The following SLC39A11 variants were observed in gnomAD, a reference collection of about 807,000 sequenced individuals.
The protein encoded by SLC39A11 is zinc transporter ZIP11.
Under a neutral mutation model 36.1 loss-of-function variants are expected in SLC39A11, and 33 were observed. The observed-to-expected ratio is 0.91, with a 90% confidence interval of 0.69 to 1.22. The LOEUF is 1.22. SLC39A11 is among the 50% of genes most tolerant of loss of function. SLC39A11 has a pLI of 0.00. For synonymous variants in SLC39A11, 166 were observed against 170.3 expected (o/e 0.97, Z 0.20); for missense variants, 432 against 430.3 (o/e 1.00, Z -0.03).
intron 4 of SLC39A11, among the ~76,000 whole-genome samples, chr17:72,997,464 G>A (rs1252822934): frequency 6.6e-6 from 1 of 152,016 alleles, no homozygotes; most frequent in African/African-American, 2.4e-5. Context: ...TGTTGGCCAG[G>A]CTGGTCTTGA....
chr17:72,904,904 T>C (rs2082570910), intron 5 of SLC39A11, among the ~76,000 whole-genome samples: 1 of 152,132 alleles, frequency 6.6e-6, no homozygotes, highest in African/African-American at 2.4e-5. Context: ...CTGGGCACAG[T>C]GGCTCACGCC....
chr17:73,021,862 A>T, intron 4 of SLC39A11, among the ~76,000 whole-genome samples: 1 of 152,220 alleles, frequency 6.6e-6, no homozygotes, highest in East Asian at 1.9e-4. Flanking sequence ...TCTGCACTCA[A>T]GACTCCCCAC....
At chr17:72,807,680 A>G (rs903487924) in intron 6 of SLC39A11, among the ~76,000 whole-genome samples, 11 of 152,096 alleles carry the variant, frequency 7.2e-5, no homozygotes, top group Non-Finnish European at 5.9e-5. Context: ...GGGCCTGGAG[A>G]GGAAATGGAA....
chr17:72,773,588 C>G (rs2076025020), intron 6 of SLC39A11, among the ~76,000 whole-genome samples: 1 of 151,484 alleles, frequency 6.6e-6, no homozygotes, highest in African/African-American at 2.4e-5. Flanking sequence ...ATTACCCAGT[C>G]TCAGGTATGT....
chr17:72,697,885 AG>A (rs2072389508), intron 7 of SLC39A11, among the ~76,000 whole-genome samples: 1 of 152,206 alleles, frequency 6.6e-6, no homozygotes, highest in South Asian at 2.1e-4. Flanking sequence ...CTGTAACCCC[AG>A]GGCTGGGCAA....
At chr17:73,034,653 T>C (rs1000857107) in intron 3 of SLC39A11, among the ~76,000 whole-genome samples, 1 of 152,168 alleles carries the variant, frequency 6.6e-6, no homozygotes, top group African/African-American at 2.4e-5. Context: ...CTCCCCACCC[T>C]GCACTCCGAT....
At chr17:72,799,864 T>C (rs2077025801) in intron 6 of SLC39A11, among the ~76,000 whole-genome samples, 2 of 152,106 alleles carry the variant, frequency 1.3e-5, no homozygotes, top group Non-Finnish European at 2.9e-5. Context: ...TTCTGCTTTT[T>C]GTCCTTTGAA....
At chr17:72,804,140 C>T (rs536045917) in intron 6 of SLC39A11, among the ~76,000 whole-genome samples, 5 of 152,160 alleles carry the variant, frequency 3.3e-5, no homozygotes, top group South Asian at 2.1e-4. Context: ...GGACTACAGG[C>T]GCCCGCCACC....
intron 7 of SLC39A11, among the ~76,000 whole-genome samples, chr17:72,666,324 C>T (rs530125365): frequency 7.2e-4 from 109 of 152,190 alleles, no homozygotes; most frequent in Non-Finnish European, 1.4e-3. Context: ...ATCTGGACAG[C>T]ATAAACCGAC....
intron 3 of SLC39A11, chr17:73,068,227 T>G: frequency 1.1e-6 from 1 of 895,350 alleles, no homozygotes; most frequent in Non-Finnish European, 1.8e-6. Flanking sequence ...CCTCCGTAAG[T>G]CCTTCCCCTC....
chr17:72,979,040 C>A (rs969609734), intron 4 of SLC39A11, among the ~76,000 whole-genome samples: 6 of 152,132 alleles, frequency 3.9e-5, no homozygotes, highest in Admixed American at 2.0e-4. Flanking sequence ...GAATTGTAAA[C>A]CCCATAATCA....
At chr17:72,919,682 A>AG (rs1175633371) in intron 5 of SLC39A11, among the ~76,000 whole-genome samples, 26 of 146,780 alleles carry the variant, frequency 1.8e-4, no homozygotes, top group African/African-American at 6.2e-4. Context: ...AAAAAAAAAA[A>AG]AAAGAAAAAA....
chr17:72,717,349 G>A (rs2073451167), intron 7 of SLC39A11, among the ~76,000 whole-genome samples: 2 of 152,066 alleles, frequency 1.3e-5, no homozygotes, highest in African/African-American at 2.4e-5. Flanking sequence ...AAGTACCACA[G>A]GGATTTGTTC....
chr17:72,982,576 G>A (rs370691633), intron 4 of SLC39A11, among the ~76,000 whole-genome samples: 7 of 152,074 alleles, frequency 4.6e-5, no homozygotes, highest in East Asian at 3.9e-4. Context: ...AACCTTGTTC[G>A]TAATACTTCA....
intron 5 of SLC39A11, among the ~76,000 whole-genome samples, chr17:72,862,366 A>T (rs959425191): frequency 6.6e-6 from 1 of 152,202 alleles, no homozygotes; most frequent in African/African-American, 2.4e-5. Flanking sequence ...ATAAATCAGA[A>T]ATCAAACAGC....
chr17:72,728,119 G>A (rs766799394), intron 7 of SLC39A11, among the ~76,000 whole-genome samples: 1 of 152,164 alleles, frequency 6.6e-6, no homozygotes, highest in African/African-American at 2.4e-5. Context: ...AACAGGGATT[G>A]TGTCCACTAA....
At chr17:72,684,135 A>T (rs2071632788) in intron 7 of SLC39A11, among the ~76,000 whole-genome samples, 1 of 152,118 alleles carries the variant, frequency 6.6e-6, no homozygotes, top group African/African-American at 2.4e-5. Context: ...CAGGTCTGTT[A>T]GCAGTTTACG....
At chr17:72,969,660 G>T (rs1256057801) in intron 4 of SLC39A11, among the ~76,000 whole-genome samples, 2 of 150,968 alleles carry the variant, frequency 1.3e-5, no homozygotes, top group Non-Finnish European at 1.5e-5. Flanking sequence ...TCTACATTAT[G>T]TATATAAATT....
intron 6 of SLC39A11, among the ~76,000 whole-genome samples, chr17:72,797,656 C>T (rs549551562): frequency 6.6e-6 from 1 of 152,222 alleles, no homozygotes; most frequent in African/African-American, 2.4e-5. Context: ...TCGTCTAATA[C>T]CCCACTAACT....
Sources: gnomAD v4.1 joint callset for allele counts (sites outside exome capture counted in the v4.1 genomes callset) on GRCh38, gnomAD v4.1.1 for gene constraint, MANE v1.5 for transcripts, NCBI Gene and HGNC (gene_info 2026-07-23, HGNC 2026-07-21) for gene names.